ASAP1: variants seen among roughly 807,000 people sequenced by gnomAD.
ASAP1 encodes arf-GAP with SH3 domain, ANK repeat and PH domain-containing protein 1.
Under a neutral mutation model 145.2 loss-of-function variants are expected in ASAP1, and 43 were observed. The observed-to-expected ratio is 0.30, with a 90% CI of 0.23 to 0.38. The LOEUF (loss-of-function observed/expected upper bound fraction) is 0.38. Ranked by LOEUF, ASAP1 falls within the 10% of genes least tolerant of loss-of-function variation. The pLI is 1.00. For synonymous variants in ASAP1, 546 were observed against 515.5 expected (o/e 1.06, Z -0.80); for missense variants, 1,018 against 1,355.3 (o/e 0.75, Z 3.91).
intron 22 of ASAP1, 69 bp downstream of exon 22, chr8:130,116,609 T>C (rs956733221): frequency 5.2e-5 from 71 of 1,356,040 alleles, no homozygotes; most frequent in Non-Finnish European, 7.3e-5. Flanking sequence ...TATTCAATTC[T>C]AGCTTCTCAG....
At chr8:130,347,486 C>G (rs1479760018) in intron 3 of ASAP1, among the ~76,000 whole-genome samples, 1 of 152,214 alleles carries the variant, frequency 6.6e-6, no homozygotes. Context: ...ATTTAACTGT[C>G]ATGTCAATGA....
chr8:130,133,867 G>A (rs2097588026), intron 15 of ASAP1, among the ~76,000 whole-genome samples: 1 of 152,186 alleles, frequency 6.6e-6, no homozygotes, highest in African/African-American at 2.4e-5. Flanking sequence ...GCCCAGGTAG[G>A]CTGGCTGATA....
At chr8:130,205,074 C>T (rs1816117210) in intron 5 of ASAP1, among the ~76,000 whole-genome samples, 1 of 152,126 alleles carries the variant, frequency 6.6e-6, no homozygotes, top group Non-Finnish European at 1.5e-5. Context: ...TAAAGCATTC[C>T]AGTACCAATC....
intron 3 of ASAP1, among the ~76,000 whole-genome samples, chr8:130,291,157 T>C (rs1821921969): frequency 6.6e-6 from 1 of 152,136 alleles, no homozygotes; most frequent in Non-Finnish European, 1.5e-5. Context: ...TGAAGAAAAC[T>C]GGTATGTAAA....
At chr8:130,078,041 G>A (rs1254837722) in intron 26 of ASAP1, among the ~76,000 whole-genome samples, 1 of 151,214 alleles carries the variant, frequency 6.6e-6, no homozygotes, top group Non-Finnish European at 1.5e-5. Context: ...CTAGGCTGGA[G>A]TGCAGTGGCG....
intron 1 of ASAP1, among the ~76,000 whole-genome samples, chr8:130,430,324 C>T (rs757006944): frequency 3.9e-5 from 6 of 152,142 alleles, no homozygotes; most frequent in Admixed American, 2.0e-4. Context: ...TGTGTTTGTA[C>T]GTACGTATGT....
chr8:130,189,340 G>C (rs549078522), intron 5 of ASAP1, among the ~76,000 whole-genome samples: 15 of 151,816 alleles, frequency 9.9e-5, no homozygotes, highest in Admixed American at 2.0e-4. Flanking sequence ...CCAGCCTCTG[G>C]TAACCATCAT....
intron 27 of ASAP1, among the ~76,000 whole-genome samples, chr8:130,063,719 A>G (rs2097424230): frequency 6.6e-6 from 1 of 152,240 alleles, no homozygotes; most frequent in Non-Finnish European, 1.5e-5. Context: ...AAAGTGAGTA[A>G]GAAGAGATGG....
At chr8:130,098,088 C>T (rs1170297284) in intron 24 of ASAP1, among the ~76,000 whole-genome samples, 1 of 152,114 alleles carries the variant, frequency 6.6e-6, no homozygotes, top group Non-Finnish European at 1.5e-5. Flanking sequence ...TAAAATTTAT[C>T]TTGTAAAATA....
chr8:130,281,956 C>T (rs1222462565), intron 3 of ASAP1, among the ~76,000 whole-genome samples: 1 of 151,948 alleles, frequency 6.6e-6, no homozygotes, highest in Non-Finnish European at 1.5e-5. Context: ...ATCCCAGCTA[C>T]TCGGGAGACT....
chr8:130,152,884 T>C, intron 12 of ASAP1, 79 bp from the exon 13 acceptor site: 1 of 1,097,604 alleles, frequency 9.1e-7, no homozygotes, highest in Non-Finnish European at 1.3e-6. Flanking sequence ...TGATACATAA[T>C]AATAATTACA....
chr8:130,257,633 G>C (rs907517341), intron 3 of ASAP1, among the ~76,000 whole-genome samples: 6 of 152,040 alleles, frequency 3.9e-5, no homozygotes, highest in African/African-American at 1.2e-4. Flanking sequence ...CGAAAAAAAG[G>C]GATCTACAGT....
chr8:130,094,802 T>C (rs1337920208), intron 24 of ASAP1, among the ~76,000 whole-genome samples: 5 of 152,240 alleles, frequency 3.3e-5, no homozygotes, highest in Admixed American at 3.3e-4. Context: ...TCAGGAAGTG[T>C]AACTTTCCTT....
intron 7 of ASAP1, among the ~76,000 whole-genome samples, chr8:130,186,582 T>C (rs763792591): frequency 6.6e-6 from 1 of 152,146 alleles, no homozygotes; most frequent in Non-Finnish European, 1.5e-5. Context: ...AAAGTGCTTA[T>C]TGTCCTAATC....
intron 3 of ASAP1, among the ~76,000 whole-genome samples, chr8:130,295,712 G>T (rs1037383092): frequency 6.6e-6 from 1 of 152,120 alleles, no homozygotes; most frequent in Non-Finnish European, 1.5e-5. Flanking sequence ...TTAATGCTGG[G>T]CTCTAACTTG....
At chr8:130,117,041 C>T in intron 20 of ASAP1, 46 bp from the exon 21 acceptor site, 1 of 1,399,236 alleles carries the variant, frequency 7.1e-7, no homozygotes, top group South Asian at 1.3e-5. Flanking sequence ...TACTTTATAA[C>T]TTAAAACTAT....
At chr8:130,124,359 T>C (rs767726316) in intron 17 of ASAP1, among the ~76,000 whole-genome samples, 54 of 152,184 alleles carry the variant, frequency 3.5e-4, no homozygotes, top group African/African-American at 1.2e-3. Context: ...AGTGGGGCCA[T>C]TGACAAGGAA....
chr8:130,279,362 T>G (rs143356134), intron 3 of ASAP1, among the ~76,000 whole-genome samples: 1 of 152,276 alleles, frequency 6.6e-6, no homozygotes, highest in Non-Finnish European at 1.5e-5. Context: ...CTGTCCCACA[T>G]GGAGTCTTGA....
chr8:130,391,494 A>G (rs1828282891), intron 2 of ASAP1, among the ~76,000 whole-genome samples: 1 of 152,260 alleles, frequency 6.6e-6, no homozygotes, highest in Non-Finnish European at 1.5e-5. Context: ...TTTTTTAAAA[A>G]GCATTCACTA....
Sources: allele counts gnomAD v4.1 joint callset (sites outside exome capture counted in the v4.1 genomes callset), GRCh38; gene constraint gnomAD v4.1.1; transcripts MANE v1.5; gene names NCBI Gene and HGNC (gene_info 2026-07-23, HGNC 2026-07-21).